FYTTD1: variants seen among roughly 807,000 people sequenced by gnomAD.
FYTTD1 encodes forty-two-three domain containing 1.
A neutral mutation model predicts 40.9 loss-of-function variants in FYTTD1; 22 were observed. The observed-to-expected ratio is 0.54, with a 90% confidence interval of 0.38 to 0.77. The LOEUF is 0.77. Ranked by LOEUF, FYTTD1 falls within the 30% of genes least tolerant of loss-of-function variation. The pLI, the probability that FYTTD1 is intolerant of heterozygous loss-of-function variation, is 0.00. For synonymous variants in FYTTD1, 140 were observed against 137.9 expected (o/e 1.01, Z -0.10); for missense variants, 351 against 392.2 (o/e 0.90, Z 0.89).
In FYTTD1 at chr3:197,760,008, GTTC is replaced by G. The variant is rs150059908; in HGVS notation, c.235+3455_235+3457del. ...CTTCAGTGGTAGAACATACGGAGTT[GTTC>G]TTCAGTGGTAGAATGTATGGAGTTG... is the stretch of plus-strand genomic sequence containing the variant. On this transcript the variant is annotated intron_variant, in intron 2 of 8. Coordinates refer to ENST00000241502, the MANE Select transcript of FYTTD1 (RefSeq NM_032288.7). 7.7e-3 allele frequency among the ~76,000 whole-genome samples: 1,164 copies of G among 151,692 alleles called. 6 individuals are homozygous for G. The highest frequency in any genetic ancestry group is 0.027 in the African/African-American group (1,099 of 41,256).
chr3:197,785,040 C>CCTAA lies in FYTTD1; in HGVS notation c.*3132_*3135dup, dbSNP rs1287682007. 1 of 152,126 alleles carries CCTAA rather than the reference C, an allele frequency of 6.6e-6. No homozygotes were observed. The highest frequency in any genetic ancestry group is 1.5e-5 in the Non-Finnish European group (1 of 68,020). 9.4% of individuals were successfully genotyped at this position (152,126 alleles called of 1,614,324 possible). The stretch of plus-strand genomic sequence containing the variant: ...TGGAATGGTGTGTGGTTTTCAAATA[C>CCTAA]CTAAGAATTGGTAATAGCCATGCTT... On this transcript the variant is annotated 3_prime_UTR_variant, in exon 9 of 9. Coordinates refer to ENST00000241502, the MANE Select transcript of FYTTD1 (RefSeq NM_032288.7).
rs774929017 is a variant in FYTTD1 at position 197,778,379 on chromosome 3, T to A, written c.773T>A (p.Phe258Tyr). Residue 258 changes from phenylalanine to tyrosine, a missense_variant, in exon 8 of 9, where the codon TTT (phenylalanine) becomes TAT (tyrosine). Transcript: ENST00000241502. The stretch of plus-strand genomic sequence containing the variant: ...TTAACTCGTACTGCTGTACCTTCAT[T>A]TTTAACAAAGCGGGAGCAAAGTGAC... ...PRLTRTAVPS[F>Y]LTKREQSDVK... 8 of 1,612,518 alleles carry A rather than the reference T, an allele frequency of 5.0e-6. No individual in the cohort carries two copies. The highest frequency in any genetic ancestry group is 6.8e-6 in the Non-Finnish European group (8 of 1,178,792).
In FYTTD1 at chr3:197,774,307, A is replaced by G. The variant is rs1468850712; in HGVS notation, c.656+97A>G. On this transcript the variant is annotated intron_variant, in intron 6 of 8. Transcript: ENST00000241502. Reference sequence around the variant, plus strand: ...ACCTCAGTCCAGAAGAAATTAATTGAAACCCAAAATAAAATTCAGTCTGAA... The same window carrying G: ...ACCTCAGTCCAGAAGAAATTAATTGGAACCCAAAATAAAATTCAGTCTGAA... 4.9e-6 allele frequency: 5 copies of G among 1,030,096 alleles called. No homozygotes were observed. In the African/African-American group the frequency reaches 7.9e-5, roughly 16 times the overall value. The allele number at this position is 1,030,096 out of a possible 1,614,324, so 63.8% of individuals were successfully genotyped here.
upstream of FYTTD1, chr3:197,749,576 ATAGGGGACCTGTCTGCAGC>A (rs1324633314): frequency 8.0e-5 from 103 of 1,284,822 alleles, 1 homozygote; most frequent in Non-Finnish European, 9.9e-5. Flanking sequence ...GTACCGAAGT[ATAGGGGACCTGTCTGCAGC>A]AGGAGGGACT....
At chr3:197,780,219 G>C (rs1175612532) in intron 8 of FYTTD1, among the ~76,000 whole-genome samples, 1 of 152,042 alleles carries the variant, frequency 6.6e-6, no homozygotes, top group Non-Finnish European at 1.5e-5. Context: ...CACCATACTT[G>C]GCTAATTCTT....
upstream of FYTTD1, chr3:197,749,639 T>A (rs1728922158): frequency 2.1e-6 from 2 of 939,378 alleles, no homozygotes; most frequent in Non-Finnish European, 3.1e-6. Context: ...ACTGAAGGCA[T>A]AAGATTCAGA....
chr3:197,759,189 A>G (rs1049356167), intron 2 of FYTTD1, among the ~76,000 whole-genome samples: 1 of 150,126 alleles, frequency 6.7e-6, no homozygotes, highest in African/African-American at 2.5e-5. Flanking sequence ...GTTGTTCCTC[A>G]GTGGTAGAAT....
chr3:197,770,202 A>G lies in FYTTD1; in HGVS notation c.455A>G (p.Lys152Arg). ...CTGAGACAAAATGAAGGGCAGAGGA[A>G]ACCAGTAGCAGTTCTCAAGAGACCT... ...NLLRQNEGQR[K>R]PVAVLKRPSQ... Residue 152 changes from lysine (K) to arginine (R), a missense_variant, in exon 4 of 9, where the codon AAA becomes AGA. Coordinates refer to ENST00000241502, the MANE Select transcript of FYTTD1 (RefSeq NM_032288.7). 1 of 1,612,894 alleles carries G rather than the reference A, an allele frequency of 6.2e-7. No individual in the cohort carries two copies. The highest frequency in any genetic ancestry group is 8.5e-7 in the Non-Finnish European group (1 of 1,179,138).
intron 1 of FYTTD1, chr3:197,750,629 G>T: frequency 1.0e-6 from 1 of 985,424 alleles, no homozygotes; most frequent in Non-Finnish European, 1.2e-6. Flanking sequence ...CGACTCTCGG[G>T]GCCACCTCCG....
At chr3:197,779,633 C>G (rs956872410) in intron 8 of FYTTD1, among the ~76,000 whole-genome samples, 1 of 142,246 alleles carries the variant, frequency 7.0e-6, no homozygotes. Context: ...CAGACTCAAA[C>G]GATCCTTCCT....
chr3:197,772,672 G>A (rs1310353521), intron 4 of FYTTD1, among the ~76,000 whole-genome samples: 1 of 152,216 alleles, frequency 6.6e-6, no homozygotes, highest in Non-Finnish European at 1.5e-5. Flanking sequence ...GCAGTGGCGT[G>A]ATCTCGGCCC....
At chr3:197,773,649 A>C (rs1337816482) in intron 5 of FYTTD1, 150 bp downstream of exon 5, 1 of 562,696 alleles carries the variant, frequency 1.8e-6, no homozygotes, top group African/African-American at 1.9e-5. Context: ...TTCCTGTTGT[A>C]TGTTTTTTAT....
chr3:197,756,492 T>G lies in FYTTD1; in HGVS notation c.170T>G (p.Leu57Arg), dbSNP rs776335040. The G allele has an allele frequency of 1.9e-6, 3 of 1,611,814 alleles. No individual in the cohort carries two copies. Among genetic ancestry groups the G allele is most frequent in the Admixed American group, 1.7e-5 (1 of 59,990 alleles). Residue 57 changes from leucine to arginine, a missense_variant, in exon 2 of 9, where the codon CTC (leucine) becomes CGC (arginine). Coordinates refer to ENST00000241502, the MANE Select transcript of FYTTD1 (RefSeq NM_032288.7). The stretch of plus-strand genomic sequence containing the variant: ...AATTTTCCAAGACTAAATAGAAGAC[T>G]CCTCCAGCAAAGTGGTGCCCAGCAA... The part of the protein sequence containing the change: ...KQNFPRLNRR[L>R]LQQSGAQQFR...
Position 197,778,466 on chromosome 3 carries a change from T to TA in FYTTD1, c.858+9dup, listed in dbSNP as rs755800914. On this transcript the variant is annotated splice_region_variant and intron_variant, in intron 8 of 8. Coordinates refer to ENST00000241502, the MANE Select transcript of FYTTD1 (RefSeq NM_032288.7). ...GACATAAACAGTGTCGGAAAACAGG[T>TA]AAAAAAACGTTTTCTGTATTTTCTT... 1.3e-5 allele frequency: 20 copies of TA among 1,589,998 alleles called. No individual in the cohort carries two copies. In the East Asian group the frequency reaches 2.2e-4, roughly 18 times the overall value.
intron 2 of FYTTD1, among the ~76,000 whole-genome samples, chr3:197,758,444 G>A (rs944019415): frequency 2.1e-4 from 32 of 152,118 alleles, no homozygotes; most frequent in African/African-American, 5.6e-4. Context: ...ATTAATTTCC[G>A]GTGTTAGAGA....
chr3:197,784,602 G>A lies in FYTTD1; in HGVS notation c.*2693G>A, dbSNP rs1037164877. ...TGAGGCCAGGAGCAAGACCAGCCTG[G>A]CTAACATAGGGAGACTCTATCTTTA... On this transcript the variant is annotated 3_prime_UTR_variant, in exon 9 of 9. Coordinates refer to ENST00000241502, the MANE Select transcript of FYTTD1 (RefSeq NM_032288.7). The A allele has an allele frequency of 1.1e-4, 16 of 152,164 alleles. No homozygotes were observed. The highest frequency in any genetic ancestry group is 6.5e-5 in the Admixed American group (1 of 15,270). 9.4% of individuals were successfully genotyped at this position (152,164 alleles called of 1,614,324 possible).
At chr3:197,755,806 A>G in intron 1 of FYTTD1, 1 of 1,551,102 alleles carries the variant, frequency 6.4e-7, no homozygotes, top group Non-Finnish European at 8.7e-7. Context: ...GTCATCTTTA[A>G]AAAATGGAGC....
At chr3:197,778,818 C>T (rs1368012413) in intron 8 of FYTTD1, among the ~76,000 whole-genome samples, 3 of 152,080 alleles carry the variant, frequency 2.0e-5, no homozygotes, top group Non-Finnish European at 4.4e-5. Flanking sequence ...TTTCAGTCCT[C>T]GGATATTAGG....
intron 2 of FYTTD1, among the ~76,000 whole-genome samples, chr3:197,765,007 G>T (rs891800691): frequency 1.3e-5 from 2 of 151,616 alleles, no homozygotes; most frequent in African/African-American, 4.8e-5. Flanking sequence ...GCACCACCAC[G>T]CCTGGTGGCT....
Sources: gnomAD v4.1 joint callset for allele counts (sites outside exome capture counted in the v4.1 genomes callset) on GRCh38, gnomAD v4.1.1 for gene constraint, MANE v1.5 for transcripts, NCBI Gene and HGNC (gene_info 2026-07-23, HGNC 2026-07-21) for gene names.